PPP3R1: variants seen among roughly 807,000 people sequenced by gnomAD.
PPP3R1 encodes the protein protein phosphatase 3 regulatory subunit B, alpha.
PPP3R1 carries 5 observed loss-of-function variants against 22.6 expected under a neutral mutation model. That is an observed-to-expected ratio of 0.22 (90% confidence interval 0.12 to 0.46). The LOEUF is 0.46. PPP3R1 is among the 20% of genes least tolerant of loss of function. PPP3R1 has a pLI of 0.99. For synonymous variants in PPP3R1, 56 were observed against 65.2 expected (o/e 0.86, Z 0.68); for missense variants, 61 against 203.2 (o/e 0.30, Z 4.25).
At chr2:68,209,580 C>T (rs1273580876) in intron 2 of PPP3R1, among the ~76,000 whole-genome samples, 2 of 151,580 alleles carry the variant, frequency 1.3e-5, no homozygotes, top group South Asian at 2.1e-4. Flanking sequence ...TAATAAAACC[C>T]GGACTCTACA....
intron 2 of PPP3R1, among the ~76,000 whole-genome samples, chr2:68,204,796 G>A (rs553051013): frequency 1.0e-3 from 154 of 152,210 alleles, no homozygotes; most frequent in African/African-American, 3.6e-3. Context: ...ATTATCCAAC[G>A]AGTTGTCTAT....
At chr2:68,240,327 T>TG (rs1240279209) in intron 1 of PPP3R1, among the ~76,000 whole-genome samples, 1 of 152,318 alleles carries the variant, frequency 6.6e-6, no homozygotes, top group African/African-American at 2.4e-5. Context: ...CGTTGCTTGT[T>TG]GGAGTTCTTA....
chr2:68,184,643 T>C (rs1173441354), intron 5 of PPP3R1, among the ~76,000 whole-genome samples: 6 of 152,226 alleles, frequency 3.9e-5, no homozygotes, highest in African/African-American at 9.6e-5. Context: ...TTCACTGTTA[T>C]AGCTTGAGAA....
intron 1 of PPP3R1, among the ~76,000 whole-genome samples, chr2:68,220,552 T>C (rs967827473): frequency 4.6e-5 from 7 of 152,136 alleles, no homozygotes; most frequent in Admixed American, 2.0e-4. Context: ...TTAAGAAAGA[T>C]AGAAAACAAA....
chr2:68,233,791 C>T (rs1361396146), intron 1 of PPP3R1, among the ~76,000 whole-genome samples: 1 of 152,052 alleles, frequency 6.6e-6, no homozygotes, highest in Non-Finnish European at 1.5e-5. Context: ...TTTTTTCAAA[C>T]TGAACATAGA....
chr2:68,191,089 G>A (rs1335264129), intron 2 of PPP3R1, among the ~76,000 whole-genome samples: 3 of 152,184 alleles, frequency 2.0e-5, no homozygotes, highest in African/African-American at 7.2e-5. Context: ...CAGAAATGCT[G>A]TGATGAAAAA....
intron 2 of PPP3R1, among the ~76,000 whole-genome samples, chr2:68,201,253 T>C (rs1211975219): frequency 6.6e-6 from 1 of 152,126 alleles, no homozygotes; most frequent in Non-Finnish European, 1.5e-5. Flanking sequence ...CCACCCTATT[T>C]TCCTTTAAAA....
chr2:68,186,679 C>A, intron 4 of PPP3R1, 27 bp from the exon 5 acceptor site: 2 of 1,548,760 alleles, frequency 1.3e-6, no homozygotes, highest in Non-Finnish European at 1.8e-6. Context: ...AAAATCAATT[C>A]CAATTACAAA....
intron 1 of PPP3R1, among the ~76,000 whole-genome samples, chr2:68,236,190 C>T (rs938975452): frequency 2.6e-5 from 4 of 151,862 alleles, no homozygotes; most frequent in African/African-American, 7.3e-5. Flanking sequence ...TACAATTTAC[C>T]TTTTTTTTCT....
chr2:68,190,160 C>G (rs1030265694), intron 2 of PPP3R1, among the ~76,000 whole-genome samples: 3 of 142,536 alleles, frequency 2.1e-5, no homozygotes, highest in Non-Finnish European at 4.5e-5. Context: ...ACACGTAATT[C>G]GTAAAGAGGA....
intron 1 of PPP3R1, among the ~76,000 whole-genome samples, chr2:68,234,112 G>T (rs1669970846): frequency 6.6e-6 from 1 of 152,124 alleles, no homozygotes; most frequent in South Asian, 2.1e-4. Flanking sequence ...GGGAGGCCGA[G>T]GCCAGCAGAT....
chr2:68,182,088 CCA>C lies in PPP3R1; in HGVS notation c.466-1080_466-1079del, dbSNP rs1217295547. 1.5e-3 allele frequency among the ~76,000 whole-genome samples: 171 copies of C among 115,764 alleles called. 2 individuals carry two copies. The highest frequency in any genetic ancestry group is 4.9e-3 in the African/African-American group (158 of 32,290). 75.9% of individuals were successfully genotyped at this position (115,764 alleles called of 152,430 possible). A position where few individuals can be genotyped will look rare whatever the true frequency, so the allele number is the denominator to read the frequency against. ...CTCCTCCAACCCCCCCCTCCCCCCA[CCA>C]CACACACACGACCAGTAGCTACTAT... is the stretch of plus-strand genomic sequence containing the variant. On this transcript the variant is annotated intron_variant, in intron 5 of 5. Coordinates refer to ENST00000234310, the MANE Select transcript of PPP3R1 (RefSeq NM_000945.4).
chr2:68,252,082 C>A, intron 1 of PPP3R1, 43 bp downstream of exon 1: 1 of 1,395,204 alleles, frequency 7.2e-7, no homozygotes, highest in South Asian at 1.4e-5. Flanking sequence ...CGGACGGCGG[C>A]AGTAGGGGGA....
Position 68,232,144 on chromosome 2 carries a change from T to C in PPP3R1, c.4-15013A>G, listed in dbSNP as rs1361665817. On this transcript the variant is annotated intron_variant, in intron 1 of 5. Transcript: ENST00000234310. ...ATATATACACACACACACACATATA[T>C]ATGTATATATATATACATATATAAA... Among the ~76,000 whole-genome samples, 17 of 35,140 alleles carry C rather than the reference T, an allele frequency of 4.8e-4. 1 individual carries two copies. Among genetic ancestry groups the C allele is most frequent in the Admixed American group, 3.2e-3 (9 of 2,850 alleles). The allele number at this position is 35,140 out of a possible 152,430, so 23.1% of individuals were successfully genotyped here.
At chr2:68,238,370 T>G (rs149789721) in intron 1 of PPP3R1, among the ~76,000 whole-genome samples, 3 of 152,282 alleles carry the variant, frequency 2.0e-5, no homozygotes, top group African/African-American at 7.2e-5. Context: ...ACAATGCCAC[T>G]GTGGATCTTG....
At chr2:68,202,792 ATTTTTTTTTTT>A (rs71395958) in intron 2 of PPP3R1, among the ~76,000 whole-genome samples, 27 of 81,226 alleles carry the variant, frequency 3.3e-4, no homozygotes, top group African/African-American at 1.5e-3. Flanking sequence ...AGTTCAGGGA[ATTTTTTTTTTT>A]TTTTTTTTTT....
intron 2 of PPP3R1, among the ~76,000 whole-genome samples, chr2:68,205,826 C>CT (rs1029703101): frequency 6.1e-4 from 90 of 147,162 alleles, no homozygotes; most frequent in African/African-American, 1.5e-3. Flanking sequence ...GTAGGCTCTT[C>CT]TTTTTTTTTT....
chr2:68,196,425 G>A (rs1455482125), intron 2 of PPP3R1, among the ~76,000 whole-genome samples: 1 of 152,118 alleles, frequency 6.6e-6, no homozygotes, highest in African/African-American at 2.4e-5. Context: ...ATTCTGCACA[G>A]TTTGACTACC....
chr2:68,194,367 T>C (rs1245118773), intron 2 of PPP3R1, among the ~76,000 whole-genome samples: 1 of 152,134 alleles, frequency 6.6e-6, no homozygotes, highest in African/African-American at 2.4e-5. Flanking sequence ...ACTTCAAGAA[T>C]CTTGTTAATG....
Sources: allele counts gnomAD v4.1 joint callset (sites outside exome capture counted in the v4.1 genomes callset), GRCh38; gene constraint gnomAD v4.1.1; transcripts MANE v1.5; gene names NCBI Gene and HGNC (gene_info 2026-07-23, HGNC 2026-07-21).